The following OR5H15 variants were observed in gnomAD, a reference collection of about 807,000 sequenced individuals.
The protein encoded by OR5H15 is olfactory receptor 5H15.
For missense variants in OR5H15, 405 were observed against 366.1 expected (o/e 1.11, Z -0.87); for synonymous variants, 153 against 129.1 (o/e 1.19, Z -1.26).
At chr3:98,167,369 C>G (rs974721786) in intron 1 of OR5H15, among the ~76,000 whole-genome samples, 8 of 136,954 alleles carry the variant, frequency 5.8e-5, no homozygotes, top group African/African-American at 2.3e-4. Context: ...AATCTTTTGT[C>G]CCTGTACTTC....
Position 98,169,277 on chromosome 3 carries a change from C to T in OR5H15, c.578C>T (p.Ser193Phe). Residue 193 changes from serine (S) to phenylalanine (F), a missense_variant, in exon 2 of 2, where the codon TCT (serine) becomes TTT (phenylalanine). Transcript: ENST00000641450. ...TCTAAGATTTCTTGTACTGATTCTTCTATTAATTTTCTAATGGTTTTTATT... is the reference window on the plus strand; with the variant it reads ...TCTAAGATTTCTTGTACTGATTCTTTTATTAATTTTCTAATGGTTTTTATT... ...PLSKISCTDS[S>F]INFLMVFIFS... The T allele has an allele frequency of 6.2e-7, 1 of 1,609,652 alleles. No homozygotes were observed. Among genetic ancestry groups the T allele is most frequent in the Non-Finnish European group, 8.5e-7 (1 of 1,176,980 alleles).
chr3:98,169,010 T>C lies in OR5H15; in HGVS notation c.311T>C (p.Ile104Thr), dbSNP rs771863369. ...GAATGCAAGATACAATTTTTTTCCATTGCAATTGGCGTAACCACAGAATGT... is the reference window on the plus strand; with the variant it reads ...GAATGCAAGATACAATTTTTTTCCACTGCAATTGGCGTAACCACAGAATGT... ...LSECKIQFFS[I>T]AIGVTTECFL... Residue 104 changes from isoleucine to threonine, a missense_variant, in exon 2 of 2, where the codon ATT becomes ACT. Physicochemically the swap from Ile to Thr is moderately conservative, Grantham distance 89. Transcript: ENST00000641450. 2 of 1,613,564 alleles carry C rather than the reference T, an allele frequency of 1.2e-6. No homozygotes were observed. Among genetic ancestry groups the C allele is most frequent in the African/African-American group, 1.3e-5 (1 of 74,898 alleles).
Position 98,168,924 on chromosome 3 carries a change from C to T in OR5H15, c.225C>T (p.Ser75=), listed in dbSNP as rs745740820. ...NLAFVDAWIS[S]TVTPKMLNNF... is the part of the protein sequence containing the mutation. ...CTTTTGTGGATGCTTGGATATCATC[C>T]ACAGTGACCCCAAAGATGCTGAATA... Residue 75 remains serine (S), a synonymous_variant, in exon 2 of 2, where the codon TCC becomes TCT. Transcript: ENST00000641450. 1.1e-5 allele frequency: 17 copies of T among 1,613,398 alleles called. 1 individual carries two copies. In the South Asian group the frequency reaches 1.2e-4, roughly 11 times the overall value.
chr3:98,169,723 T>C lies in OR5H15; in HGVS notation c.*82T>C, dbSNP rs1246714996. ...TGTTGTTTCCAGTGTTCAAACATTT[T>C]TGCAAGTATAACTGTCCTAGCACTT... On this transcript the variant is annotated 3_prime_UTR_variant, in exon 2 of 2. Transcript: ENST00000641450. 3 of 1,035,540 alleles carry C rather than the reference T, an allele frequency of 2.9e-6. No individual in the cohort carries two copies. In the Admixed American group the frequency reaches 5.9e-5, roughly 20 times the overall value. The allele number at this position is 1,035,540 out of a possible 1,614,324, so 64.1% of individuals were successfully genotyped here. A position where few individuals can be genotyped will look rare whatever the true frequency, so the allele number is the denominator to read the frequency against.
intron 1 of OR5H15, among the ~76,000 whole-genome samples, chr3:98,167,377 T>TTCTTTC (rs948867648): frequency 6.7e-6 from 1 of 149,164 alleles, no homozygotes; most frequent in African/African-American, 2.5e-5. Context: ...GTCCCTGTAC[T>TTCTTTC]TCTCTCTCTC....
In OR5H15 at chr3:98,169,433, T is replaced by A. The variant is rs1233571548; in HGVS notation, c.734T>A (p.Leu245His). The A allele has an allele frequency of 1.2e-6, 2 of 1,613,520 alleles. No homozygotes were observed. The highest frequency in any genetic ancestry group is 2.7e-5 in the African/African-American group (2 of 74,898). The change falls in exon 2 of 2, where the codon CTC becomes CAC. Residue 245 changes from leucine (L) to histidine (H), a missense_variant. Leu to His is a moderately conservative substitution (Grantham distance 99). Coordinates refer to ENST00000641450, the MANE Select transcript of OR5H15 (RefSeq NM_001005515.2). ...RKAFSTCGAHLFSVCLYYGPL... is the reference protein window; with the variant it reads ...RKAFSTCGAHHFSVCLYYGPL... ...GCCTTTTCCACCTGTGGAGCCCATC[T>A]CTTCTCTGTCTGTTTATACTATGGC...
rs755440388 is a variant in OR5H15, at chr3:98,169,260, T to C, written c.561T>C (p.Ile187=). 1.2e-6 allele frequency: 2 copies of C among 1,611,000 alleles called. No individual in the cohort carries two copies. Among genetic ancestry groups the C allele is most frequent in the Non-Finnish European group, 1.7e-6 (2 of 1,177,908 alleles). ...IYCDTIPLSK[I]SCTDSSINFL... ...GTGACACTATCCCATTGTCTAAGAT[T>C]TCTTGTACTGATTCTTCTATTAATT... is the stretch of plus-strand genomic sequence containing the variant. Residue 187 remains isoleucine (I), a synonymous_variant, in exon 2 of 2, where the codon ATT becomes ATC. Coordinates refer to ENST00000641450, the MANE Select transcript of OR5H15 (RefSeq NM_001005515.2).
chr3:98,169,168 T>C lies in OR5H15; in HGVS notation c.469T>C (p.Leu157=). The C allele has an allele frequency of 6.2e-7, 1 of 1,613,500 alleles. No individual in the cohort carries two copies. The highest frequency in any genetic ancestry group is 8.5e-7 in the Non-Finnish European group (1 of 1,179,646). ...LSYIAGILHA[L]IHEGFLFRLT... is the part of the protein sequence containing the mutation. ...ATATATAGCTGGTATTCTTCATGCT[T>C]TAATCCATGAAGGATTTTTATTCAG... Residue 157 remains leucine (L), a synonymous_variant, in exon 2 of 2, where the codon TTA becomes CTA. Coordinates refer to ENST00000641450, the MANE Select transcript of OR5H15 (RefSeq NM_001005515.2).
rs146412623 is a variant in OR5H15 at position 98,168,989 on chromosome 3, G to A, written c.290G>A (p.Cys97Tyr). 1.5e-3 allele frequency: 2,465 copies of A among 1,613,466 alleles called. 7 individuals are homozygous for A. The highest frequency in any genetic ancestry group is 0.011 in the Middle Eastern group (68 of 6,058). The change falls in exon 2 of 2, where the codon TGC (cysteine) becomes TAC (tyrosine). Residue 97 changes from cysteine (C) to tyrosine (Y), a missense_variant. By Grantham distance (194) the Cys-to-Tyr change is radical. Transcript: ENST00000641450. ...AKSKMISLSE[C>Y]KIQFFSIAIG... ...AGTAAGATGATATCTCTCTCTGAAT[G>A]CAAGATACAATTTTTTTCCATTGCA...
At chr3:98,167,843 C>A (rs1708741430) in intron 1 of OR5H15, among the ~76,000 whole-genome samples, 1 of 152,136 alleles carries the variant, frequency 6.6e-6, no homozygotes, top group Non-Finnish European at 1.5e-5. Context: ...GTCCATCTTG[C>A]CAGTCACCAA....
chr3:98,168,511 T>C (rs1303814270), intron 1 of OR5H15, among the ~76,000 whole-genome samples, 171 bp from the exon 2 acceptor site: 1 of 152,066 alleles, frequency 6.6e-6, no homozygotes, highest in African/African-American at 2.4e-5. Context: ...AACCAAAATA[T>C]ATCATTTTCA....
At chr3:98,167,976 T>A (rs1353531251) in intron 1 of OR5H15, among the ~76,000 whole-genome samples, 1 of 152,098 alleles carries the variant, frequency 6.6e-6, no homozygotes, top group African/African-American at 2.4e-5. Flanking sequence ...TCCAATGTTA[T>A]ATCTCACAAG....
At chr3:98,168,050 C>T (rs1708743557) in intron 1 of OR5H15, among the ~76,000 whole-genome samples, 1 of 152,032 alleles carries the variant, frequency 6.6e-6, no homozygotes, top group South Asian at 2.1e-4. Context: ...GATCCCTAGA[C>T]CTCATTCCTG....
rs1176049189 is a variant in OR5H15, at chr3:98,169,614, A to G, written c.915A>G (p.Leu305=). The G allele has an allele frequency of 6.3e-7, 1 of 1,598,604 alleles. No homozygotes were observed. Among genetic ancestry groups the G allele is most frequent in the East Asian group, 2.2e-5 (1 of 44,660 alleles). The stretch of plus-strand genomic sequence containing the variant: ...TCATAGTTTCATTCATAAAAATGTT[A>G]AAAAGAAATGTTAAGGTTTCATACT... ...KQVIVSFIKM[L]KRNVKVSY Residue 305 remains leucine, a synonymous_variant, in exon 2 of 2, where the codon TTA becomes TTG. Coordinates refer to ENST00000641450, the MANE Select transcript of OR5H15 (RefSeq NM_001005515.2).
intron 1 of OR5H15, among the ~76,000 whole-genome samples, chr3:98,167,740 A>G (rs1708740297): frequency 6.6e-6 from 1 of 152,040 alleles, no homozygotes; most frequent in Non-Finnish European, 1.5e-5. Context: ...ACTGAGATTT[A>G]ATAGGCTCAT....
Position 98,169,179 on chromosome 3 carries a change from A to G in OR5H15, c.480A>G (p.Glu160=), listed in dbSNP as rs777651684. ...GTATTCTTCATGCTTTAATCCATGA[A>G]GGATTTTTATTCAGACTAACCTTCT... The part of the protein sequence containing the change: ...IAGILHALIH[E]GFLFRLTFCN... Residue 160 remains glutamate (E), a synonymous_variant, in exon 2 of 2, where the codon GAA becomes GAG. Coordinates refer to ENST00000641450, the MANE Select transcript of OR5H15 (RefSeq NM_001005515.2). The G allele has an allele frequency of 2.5e-6, 4 of 1,613,284 alleles. No individual in the cohort carries two copies. The East Asian group carries it at 6.7e-5, about 27-fold the overall frequency.
At chr3:98,168,440 G>A (rs1210815971) in intron 1 of OR5H15, among the ~76,000 whole-genome samples, 3 of 151,990 alleles carry the variant, frequency 2.0e-5, no homozygotes, top group Non-Finnish European at 2.9e-5. Flanking sequence ...CCATATAAAT[G>A]TAGTGTATAC....
chr3:98,169,514 T>G lies in OR5H15; in HGVS notation c.815T>G (p.Met272Arg). Residue 272 changes from methionine (M) to arginine (R), a missense_variant, in exon 2 of 2, where the codon ATG becomes AGG. By Grantham distance (91) the Met-to-Arg change is moderately conservative. Coordinates refer to ENST00000641450, the MANE Select transcript of OR5H15 (RefSeq NM_001005515.2). The part of the protein sequence containing the change: ...PASPQADGQN[M>R]VEPLFYTVII... The stretch of plus-strand genomic sequence containing the variant: ...TCTCCGCAAGCAGATGGTCAAAATA[T>G]GGTGGAGCCTCTATTCTACACTGTC... The G allele has an allele frequency of 6.2e-7, 1 of 1,613,502 alleles. No individual in the cohort carries two copies. Among genetic ancestry groups the G allele is most frequent in the Non-Finnish European group, 8.5e-7 (1 of 1,179,600 alleles).
At chr3:98,167,727 C>T (rs1282210152) in intron 1 of OR5H15, among the ~76,000 whole-genome samples, 3 of 151,982 alleles carry the variant, frequency 2.0e-5, no homozygotes, top group Non-Finnish European at 4.4e-5. Flanking sequence ...AGTAATCATT[C>T]CTACTGAGAT....
Sources: gnomAD v4.1 joint callset for allele counts (sites outside exome capture counted in the v4.1 genomes callset) on GRCh38, gnomAD v4.1.1 for gene constraint, MANE v1.5 for transcripts, NCBI Gene and HGNC (gene_info 2026-07-23, HGNC 2026-07-21) for gene names.